Variants in MYZAP observed in about 807,000 individuals in gnomAD.
The protein encoded by MYZAP is GRINL1A complex locus upstream.
Under a neutral mutation model 69.4 loss-of-function variants are expected in MYZAP, and 66 were observed. That is an observed-to-expected ratio of 0.95 (90% confidence interval 0.78 to 1.17). The LOEUF is 1.17. Ranked by LOEUF, MYZAP falls within the 50% of genes most tolerant of loss-of-function variation. The pLI, the probability that MYZAP is intolerant of heterozygous loss-of-function variation, is 0.00. For synonymous variants in MYZAP, 256 were observed against 205.9 expected, an observed-to-expected ratio of 1.24 and a Z score of -2.09; for missense variants, 611 against 556.2, an observed-to-expected ratio of 1.10 and a Z score of -0.99.
intron 10 of MYZAP, among the ~76,000 whole-genome samples, chr15:57,651,489 G>T (rs2037724951): frequency 6.6e-6 from 1 of 152,154 alleles, no homozygotes; most frequent in Non-Finnish European, 1.5e-5. Context: ...TCCCAGCCCT[G>T]CCAACTCTCC....
At chr15:57,627,282 A>C (rs1351823873) in intron 5 of MYZAP, among the ~76,000 whole-genome samples, 3 of 151,384 alleles carry the variant, frequency 2.0e-5, no homozygotes, top group Non-Finnish European at 2.9e-5. Context: ...ACTGATTCCT[A>C]GTTATCATGC....
chr15:57,609,281 A>G (rs928240930), intron 2 of MYZAP, among the ~76,000 whole-genome samples: 5 of 152,168 alleles, frequency 3.3e-5, no homozygotes, highest in Admixed American at 3.3e-4. Context: ...AAGCATGAAA[A>G]ACGAGATGGC....
At chr15:57,621,823 A>T in intron 4 of MYZAP, 123 bp downstream of exon 4, 1 of 830,004 alleles carries the variant, frequency 1.2e-6, no homozygotes. Flanking sequence ...ATTACATTTT[A>T]AATAAACTGA....
chr15:57,666,952 A>G (rs2038603747), intron 11 of MYZAP, among the ~76,000 whole-genome samples: 1 of 152,208 alleles, frequency 6.6e-6, no homozygotes, highest in East Asian at 1.9e-4. Context: ...TCCAATATAG[A>G]AAATGTTCTT....
chr15:57,647,116 C>A, intron 10 of MYZAP: 1 of 985,440 alleles, frequency 1.0e-6, no homozygotes, highest in Non-Finnish European at 1.2e-6. Flanking sequence ...ATCACTCCTT[C>A]ATGGCAAAGC....
rs778802567 is a variant in MYZAP, at chr15:57,646,162, G to T, written c.1119+6617G>T. 2.3e-5 allele frequency: 30 copies of T among 1,289,238 alleles called. 2 individuals carry two copies. The South Asian group carries it at 3.7e-4, about 16-fold the overall frequency. The allele number at this position is 1,289,238 out of a possible 1,614,324, so 79.9% of individuals were successfully genotyped here. ...ATCATGTCGCACGAGCTCTTCTCCA[G>T]ATTTAGTCTCCGGCTCTTTGGAAGA... On this transcript the variant is annotated intron_variant, in intron 10 of 12. Transcript: ENST00000267853.
At chr15:57,631,362 T>A (rs1297801464) in intron 6 of MYZAP, among the ~76,000 whole-genome samples, 3 of 151,646 alleles carry the variant, frequency 2.0e-5, no homozygotes, top group African/African-American at 7.3e-5. Flanking sequence ...GGCCTTTAAC[T>A]CCAGCCCACA....
chr15:57,659,005 C>A (rs972802301), intron 10 of MYZAP, among the ~76,000 whole-genome samples: 13 of 152,136 alleles, frequency 8.5e-5, no homozygotes, highest in Non-Finnish European at 1.5e-4. Flanking sequence ...ATTTTTTCCT[C>A]CAAACTCCTT....
At chr15:57,608,013 A>C (rs1326536240) in intron 2 of MYZAP, among the ~76,000 whole-genome samples, 2 of 152,238 alleles carry the variant, frequency 1.3e-5, no homozygotes, top group Non-Finnish European at 2.9e-5. Context: ...CTCCCTGGTC[A>C]CGTAACTTTG....
intron 1 of MYZAP, among the ~76,000 whole-genome samples, chr15:57,595,117 T>A (rs938967857): frequency 1.3e-5 from 2 of 152,238 alleles, no homozygotes. Context: ...CTGGCTGGAC[T>A]GCCACCAGTT....
intron 12 of MYZAP, among the ~76,000 whole-genome samples, chr15:57,677,274 G>C (rs1047575079): frequency 1.3e-5 from 2 of 152,184 alleles, no homozygotes; most frequent in Non-Finnish European, 2.9e-5. Context: ...CTTTTAGTTT[G>C]TTTTGTCTGT....
intron 2 of MYZAP, among the ~76,000 whole-genome samples, chr15:57,616,643 AC>A (rs2035469449): frequency 1.3e-5 from 2 of 151,772 alleles, no homozygotes; most frequent in South Asian, 4.2e-4. Flanking sequence ...TCAAAAACAA[AC>A]AAACAAAATA....
chr15:57,684,410 G>C lies in MYZAP; in HGVS notation c.1313G>C (p.Gly438Ala). 1 of 1,612,228 alleles carries C rather than the reference G, an allele frequency of 6.2e-7. No homozygotes were observed. Among genetic ancestry groups the C allele is most frequent in the Non-Finnish European group, 8.5e-7 (1 of 1,178,938 alleles). The part of the protein sequence containing the change: ...VGCDLLPSQT[G>A]RTREIVMPSR... ...ATTTTCTCATTTCTCAGCCAAACAG[G>C]CAGGACTCGTGAAATTGTGATGCCT... is the stretch of plus-strand genomic sequence containing the variant. The change falls in exon 13 of 13, where the codon GGC becomes GCC. Residue 438 changes from glycine to alanine, a missense_variant. Gly to Ala is a moderately conservative substitution (Grantham distance 60). Coordinates refer to ENST00000267853, the MANE Select transcript of MYZAP (RefSeq NM_001018100.5).
At chr15:57,681,885 A>G (rs999616299) in intron 12 of MYZAP, among the ~76,000 whole-genome samples, 3 of 152,040 alleles carry the variant, frequency 2.0e-5, no homozygotes, top group East Asian at 3.8e-4. Flanking sequence ...CCTGGGGGAG[A>G]CATGCAAAGT....
intron 5 of MYZAP, among the ~76,000 whole-genome samples, chr15:57,627,476 G>A (rs1309329820): frequency 2.0e-5 from 3 of 152,040 alleles, no homozygotes; most frequent in African/African-American, 4.8e-5. Context: ...ACTCAACCTG[G>A]TAGAGGAAGA....
At chr15:57,616,913 T>TTTATGGAA (rs1377525039) in intron 2 of MYZAP, among the ~76,000 whole-genome samples, 1 of 143,118 alleles carries the variant, frequency 7.0e-6, no homozygotes, top group Non-Finnish European at 1.5e-5. Context: ...CAGAATTACC[T>TTTATGGAA]TTATGGAATT....
Position 57,634,905 on chromosome 15 carries a change from G to A in MYZAP, c.933+1164G>A, listed in dbSNP as rs956240583. ...GTGGTGGTGAAGATTGGGCAACAAGGGAGCTTTCTAGAGCTTGAGTGAGCT... is the reference window on the plus strand; with the variant it reads ...GTGGTGGTGAAGATTGGGCAACAAGAGAGCTTTCTAGAGCTTGAGTGAGCT... On this transcript the variant is annotated intron_variant, in intron 8 of 12. Transcript: ENST00000267853. Among the ~76,000 whole-genome samples the A allele has an allele frequency of 6.0e-4, 91 of 152,178 alleles. 1 individual carries two copies. The highest frequency in any genetic ancestry group is 2.1e-3 in the African/African-American group (85 of 41,442).
intron 11 of MYZAP, among the ~76,000 whole-genome samples, chr15:57,669,946 G>T (rs2038789191): frequency 6.6e-6 from 1 of 151,958 alleles, no homozygotes. Flanking sequence ...TGAAATTTTT[G>T]TTGATATTTT....
At chr15:57,636,032 G>A (rs1336472876) in intron 8 of MYZAP, among the ~76,000 whole-genome samples, 2 of 152,210 alleles carry the variant, frequency 1.3e-5, no homozygotes, top group African/African-American at 4.8e-5. Context: ...TAATTGTGCA[G>A]TGTACACTTA....
Sources: gnomAD v4.1 joint callset for allele counts (sites outside exome capture counted in the v4.1 genomes callset) on GRCh38, gnomAD v4.1.1 for gene constraint, MANE v1.5 for transcripts, NCBI Gene and HGNC (gene_info 2026-07-23, HGNC 2026-07-21) for gene names.